Variants in DLG2 observed in about 807,000 individuals in gnomAD.
The protein encoded by DLG2 is discs large MAGUK scaffold protein 2.
In DLG2, 45 loss-of-function variants were observed where a neutral mutation model predicts 132.5. That is an observed-to-expected ratio of 0.34 (90% CI 0.27 to 0.44). The LOEUF (loss-of-function observed/expected upper bound fraction) is 0.44, where lower values mean the gene tolerates loss of function less well. Ranked by LOEUF, DLG2 falls within the 20% of genes least tolerant of loss-of-function variation. DLG2 has a pLI of 1.00. For synonymous variants in DLG2, 424 were observed against 419.6 expected (o/e 1.01, Z -0.13); for missense variants, 1,045 against 1,196.9 (o/e 0.87, Z 1.87).
At chr11:83,483,440 T>TA (rs777378196) in intron 22 of DLG2, 8 of 563,804 alleles carry the variant, frequency 1.4e-5, no homozygotes, top group Admixed American at 1.0e-4. Context: ...TCTCTTCTTT[T>TA]AAAAAAACTT....
intron 6 of DLG2, among the ~76,000 whole-genome samples, chr11:84,667,283 T>A (rs536112935): frequency 1.3e-5 from 2 of 152,214 alleles, no homozygotes; most frequent in East Asian, 3.9e-4. Context: ...AATGCATGTC[T>A]TGTGAGAGAC....
rs562478068 is a variant in DLG2 at position 85,036,097 on chromosome 11, G to C, written c.357+75564C>G. On this transcript the variant is annotated intron_variant, in intron 6 of 27. Coordinates refer to ENST00000376104, the MANE Select transcript of DLG2 (RefSeq NM_001142699.3). ...TCTTAGCTTCCTTATGCATAAAATG[G>C]AAGAAAAGCATAGTGCCTATCTCAA... 1.6e-4 allele frequency among the ~76,000 whole-genome samples: 25 copies of C among 152,222 alleles called. No individual in the cohort carries two copies. The South Asian group carries it at 4.8e-3, about 29-fold the overall frequency.
intron 19 of DLG2, among the ~76,000 whole-genome samples, chr11:83,614,449 T>C (rs1328516784): frequency 6.6e-6 from 1 of 152,200 alleles, no homozygotes; most frequent in East Asian, 1.9e-4. Context: ...CTGGGAGCGA[T>C]AGATCATGCC....
At chr11:84,817,116 A>G (rs1201728031) in intron 6 of DLG2, among the ~76,000 whole-genome samples, 1 of 152,056 alleles carries the variant, frequency 6.6e-6, no homozygotes, top group Non-Finnish European at 1.5e-5. Context: ...GAAGTATGGA[A>G]TCATAAATTA....
intron 4 of DLG2, among the ~76,000 whole-genome samples, chr11:85,163,162 T>G (rs1378166662): frequency 1.3e-5 from 2 of 152,032 alleles, no homozygotes; most frequent in Admixed American, 6.6e-5. Flanking sequence ...TGGGACCTTG[T>G]GATTGTGTGA....
At chr11:83,498,426 G>T (rs2094266055) in intron 21 of DLG2, among the ~76,000 whole-genome samples, 1 of 151,886 alleles carries the variant, frequency 6.6e-6, no homozygotes, top group Non-Finnish European at 1.5e-5. Flanking sequence ...CAAATGTATG[G>T]AAATTAAGCA....
At chr11:85,062,702 G>A (rs1593443009) in intron 6 of DLG2, among the ~76,000 whole-genome samples, 1 of 151,678 alleles carries the variant, frequency 6.6e-6, no homozygotes, top group Admixed American at 6.6e-5. Context: ...TGCTTTAAAA[G>A]TTATATGTCA....
chr11:85,406,578 T>C (rs2088762986), intron 3 of DLG2, among the ~76,000 whole-genome samples: 1 of 151,800 alleles, frequency 6.6e-6, no homozygotes, highest in Non-Finnish European at 1.5e-5. Flanking sequence ...CGATGACTGG[T>C]GAGAGCTGGT....
chr11:83,699,603 G>C (rs1485508795), intron 18 of DLG2, among the ~76,000 whole-genome samples: 2 of 150,844 alleles, frequency 1.3e-5, no homozygotes, highest in Non-Finnish European at 3.0e-5. Flanking sequence ...CCAGTTACTT[G>C]GGAGGCTGAG....
intron 6 of DLG2, among the ~76,000 whole-genome samples, chr11:84,965,516 G>C (rs2053197031): frequency 6.6e-6 from 1 of 152,018 alleles, no homozygotes; most frequent in African/African-American, 2.4e-5. Flanking sequence ...AAGTGCTATG[G>C]ATGAGGGGTC....
At chr11:84,345,344 C>T (rs148296904) in intron 7 of DLG2, among the ~76,000 whole-genome samples, 39 of 152,256 alleles carry the variant, frequency 2.6e-4, no homozygotes, top group African/African-American at 6.7e-4. Flanking sequence ...GTCCTGTACA[C>T]GAGTAAATAC....
At chr11:85,512,019 C>T (rs1235364047) in intron 3 of DLG2, among the ~76,000 whole-genome samples, 1 of 152,046 alleles carries the variant, frequency 6.6e-6, no homozygotes, top group Non-Finnish European at 1.5e-5. Context: ...TATTTGACTG[C>T]AGTTCCATGG....
chr11:85,170,648 T>C lies in DLG2; in HGVS notation c.187-15997A>G, dbSNP rs139528847. On this transcript the variant is annotated intron_variant, in intron 4 of 27. Transcript: ENST00000376104. ...TAGGAAGGTTAAATAATGTCCCAGGTTGGCAACTATCTGAGGCTGGTATTG... is the reference window on the plus strand; with the variant it reads ...TAGGAAGGTTAAATAATGTCCCAGGCTGGCAACTATCTGAGGCTGGTATTG... Among the ~76,000 whole-genome samples the C allele has an allele frequency of 3.3e-5, 5 of 152,258 alleles. No homozygotes were observed. In the East Asian group the frequency reaches 9.7e-4, roughly 29 times the overall value.
At chr11:85,153,322 CT>C (rs2077386083) in intron 5 of DLG2, among the ~76,000 whole-genome samples, 1 of 152,088 alleles carries the variant, frequency 6.6e-6, no homozygotes, top group Non-Finnish European at 1.5e-5. Flanking sequence ...AAGGTATTTT[CT>C]TAGTTGTTCC....
chr11:85,126,674 G>C (rs527737332), intron 5 of DLG2, among the ~76,000 whole-genome samples: 1 of 152,002 alleles, frequency 6.6e-6, no homozygotes, highest in South Asian at 2.1e-4. Context: ...GCAGACATTT[G>C]GTTGGAATGA....
At chr11:84,008,534 C>T (rs565415089) in intron 11 of DLG2, among the ~76,000 whole-genome samples, 2 of 151,866 alleles carry the variant, frequency 1.3e-5, no homozygotes, top group South Asian at 4.1e-4. Flanking sequence ...AACATTCCTC[C>T]CTTTCCAAAA....
intron 15 of DLG2, among the ~76,000 whole-genome samples, chr11:83,890,204 C>A (rs2069336420): frequency 6.6e-6 from 1 of 151,946 alleles, no homozygotes; most frequent in African/African-American, 2.4e-5. Context: ...TTTCGTATGC[C>A]AGCTAGGATT....
chr11:83,815,343 G>C (rs2048553081), intron 17 of DLG2: 1 of 152,524 alleles, frequency 6.6e-6, no homozygotes, highest in Non-Finnish European at 1.5e-5. Context: ...GTGATTGCAC[G>C]GGCCATGCTA....
chr11:84,859,925 C>T (rs1277444908), intron 6 of DLG2, among the ~76,000 whole-genome samples: 1 of 152,126 alleles, frequency 6.6e-6, no homozygotes, highest in African/African-American at 2.4e-5. Flanking sequence ...CTCCTCTACG[C>T]AGCCTCTCTG....
Sources: allele counts gnomAD v4.1 joint callset (sites outside exome capture counted in the v4.1 genomes callset), GRCh38; gene constraint gnomAD v4.1.1; transcripts MANE v1.5; gene names NCBI Gene and HGNC (gene_info 2026-07-23, HGNC 2026-07-21).